The following PPIP5K1 variants were observed in gnomAD, a reference collection of about 807,000 sequenced individuals.
The protein encoded by PPIP5K1 is inositol hexakisphosphate and diphosphoinositol-pentakisphosphate kinase 1.
In PPIP5K1, 6 loss-of-function variants were observed where a neutral mutation model predicts 27.7. The ratio of observed to expected loss-of-function variants is 0.22; its 90% CI spans 0.12 to 0.43. The LOEUF is 0.43. PPIP5K1 is among the 20% of genes least tolerant of loss of function. The pLI is 1.00. For missense variants in PPIP5K1, 394 were observed against 635.4 expected, an observed-to-expected ratio of 0.62 and a Z score of 4.08; for synonymous variants, 145 against 242.6, an observed-to-expected ratio of 0.60 and a Z score of 3.74.
chr15:43,559,993 A>G (rs1218449042), intron 29 of PPIP5K1, among the ~76,000 whole-genome samples: 1 of 151,876 alleles, frequency 6.6e-6, no homozygotes, highest in African/African-American at 2.4e-5. Context: ...CAAGGATACA[A>G]TTGAGGCTTC....
intron 30 of PPIP5K1, among the ~76,000 whole-genome samples, chr15:43,550,404 C>G (rs1381071742): frequency 6.6e-6 from 1 of 152,142 alleles, no homozygotes; most frequent in East Asian, 1.9e-4. Context: ...CCTCAGCTTC[C>G]CAAAATGCTG....
At chr15:43,540,078 C>G (rs1297878408) in intron 30 of PPIP5K1, among the ~76,000 whole-genome samples, 1 of 151,878 alleles carries the variant, frequency 6.6e-6, no homozygotes, top group East Asian at 1.9e-4. Flanking sequence ...CACAGCAAAA[C>G]CCCATTTCTA....
intron 30 of PPIP5K1, among the ~76,000 whole-genome samples, chr15:43,554,815 T>C (rs2082719673): frequency 6.6e-6 from 1 of 152,032 alleles, no homozygotes. Flanking sequence ...TATAATTAAA[T>C]ATTGACATTG....
In PPIP5K1 at chr15:43,534,709, G is replaced by C; in HGVS notation, c.4438C>G (p.Leu1480Val). 1 of 1,528,792 alleles carries C rather than the reference G, an allele frequency of 6.5e-7. No homozygotes were observed. Among genetic ancestry groups the C allele is most frequent in the African/African-American group, 1.4e-5 (1 of 72,006 alleles). The allele number at this position is 1,528,792 out of a possible 1,614,324, so 94.7% of individuals were successfully genotyped here. ...PSQEFPEEID[L>V]QAQEVPEEIN Reference sequence around the variant, plus strand: ...TCCTCAGGGACCTCCTGGGCCTGCAGATCAATCTCCTCAGGGAACTCTTGG... The same window carrying C: ...TCCTCAGGGACCTCCTGGGCCTGCACATCAATCTCCTCAGGGAACTCTTGG... The change falls in exon 32 of 32, where the codon CTG (leucine) becomes GTG (valine). Residue 1480 changes from leucine (L) to valine (V), a missense_variant. By Grantham distance (32) the Leu-to-Val change is conservative. This residue lies in a region of PPIP5K1 where 379 missense variants were observed against 423.9 expected (regional missense o/e 0.89). Coordinates refer to ENST00000420765, the MANE Select transcript of PPIP5K1 (RefSeq NM_001394395.1).
chr15:43,552,376 C>G (rs987851153), intron 30 of PPIP5K1, among the ~76,000 whole-genome samples: 1 of 151,564 alleles, frequency 6.6e-6, no homozygotes, highest in Non-Finnish European at 1.5e-5. Context: ...ATCTAATTTC[C>G]CTTGTGAGTT....
chr15:43,547,554 T>G (rs1205988310), intron 30 of PPIP5K1, among the ~76,000 whole-genome samples: 1 of 152,216 alleles, frequency 6.6e-6, no homozygotes, highest in Non-Finnish European at 1.5e-5. Context: ...TAGGGGTGAA[T>G]GAGTTCTTTT....
chr15:43,558,063 T>A (rs979425217), intron 30 of PPIP5K1, among the ~76,000 whole-genome samples: 1 of 134,808 alleles, frequency 7.4e-6, no homozygotes, highest in African/African-American at 3.6e-5. Context: ...TATGCAATTA[T>A]CCTTTTTTTT....
intron 30 of PPIP5K1, among the ~76,000 whole-genome samples, chr15:43,555,503 C>T (rs186515405): frequency 2.6e-4 from 39 of 152,082 alleles, no homozygotes; most frequent in African/African-American, 8.9e-4. Flanking sequence ...CCAGGCTGAT[C>T]TTGAACTCTT....
At chr15:43,538,311 C>T (rs2080184461) in intron 31 of PPIP5K1, among the ~76,000 whole-genome samples, 1 of 152,236 alleles carries the variant, frequency 6.6e-6, no homozygotes, top group Admixed American at 6.5e-5. Context: ...CCTCCAATTA[C>T]CACCAGTAGC....
At chr15:43,565,539 T>G (rs1351093936) in intron 26 of PPIP5K1, among the ~76,000 whole-genome samples, 1 of 146,452 alleles carries the variant, frequency 6.8e-6, no homozygotes, top group Non-Finnish European at 1.5e-5. Context: ...AGAATGAAAG[T>G]ATGAGGCTCA....
intron 31 of PPIP5K1, chr15:43,536,062 C>A: frequency 7.9e-7 from 1 of 1,266,140 alleles, no homozygotes; most frequent in Non-Finnish European, 1.0e-6. Context: ...TTATTTATAG[C>A]CCAAATGATA....
intron 30 of PPIP5K1, among the ~76,000 whole-genome samples, chr15:43,549,831 T>TGTG (rs2081969829): frequency 6.6e-6 from 1 of 152,046 alleles, no homozygotes; most frequent in East Asian, 1.9e-4. Context: ...ATTAGCTGGA[T>TGTG]GTGGTGGTAT....
intron 30 of PPIP5K1, among the ~76,000 whole-genome samples, chr15:43,540,920 A>G (rs2080612826): frequency 6.6e-6 from 1 of 151,934 alleles, no homozygotes; most frequent in Admixed American, 6.6e-5. Context: ...TTTTTCCAAC[A>G]TAGCCAAACA....
chr15:43,553,541 CTA>C (rs1242811999), intron 30 of PPIP5K1, among the ~76,000 whole-genome samples: 1 of 151,756 alleles, frequency 6.6e-6, no homozygotes, highest in Non-Finnish European at 1.5e-5. Context: ...CAGGGTCTCA[CTA>C]TGTTACCCAG....
intron 31 of PPIP5K1, among the ~76,000 whole-genome samples, chr15:43,537,709 AGAGAG>A (rs1567003497): frequency 2.1e-4 from 24 of 112,234 alleles, no homozygotes; most frequent in African/African-American, 8.6e-4. Flanking sequence ...AAAAAAAAAG[AGAGAG>A]AGAGAGAGAG....
chr15:43,551,517 CAA>C (rs36075809), intron 30 of PPIP5K1, among the ~76,000 whole-genome samples: 2,662 of 115,462 alleles, frequency 0.023, 38 homozygotes, highest in Middle Eastern at 0.035. Flanking sequence ...GACTCTGTCT[CAA>C]AAAAAAAAAA....
intron 31 of PPIP5K1, 25 bp from the exon 32 acceptor site, chr15:43,535,501 A>C: frequency 1.3e-6 from 2 of 1,521,094 alleles, no homozygotes; most frequent in Non-Finnish European, 1.8e-6. Flanking sequence ...CAAGAGATCA[A>C]GTTAGAGAAG....
intron 29 of PPIP5K1, among the ~76,000 whole-genome samples, chr15:43,559,526 G>A (rs1386582297): frequency 6.6e-6 from 1 of 152,116 alleles, no homozygotes; most frequent in Admixed American, 6.5e-5. Context: ...AACAGGATGG[G>A]GATGGGAGTT....
intron 30 of PPIP5K1, among the ~76,000 whole-genome samples, chr15:43,543,286 G>A (rs1281854299): frequency 8.2e-6 from 1 of 121,842 alleles, no homozygotes; most frequent in Non-Finnish European, 1.6e-5. Flanking sequence ...GAGGGGGCAG[G>A]GATAGCATTA....
Sources: gnomAD v4.1 joint callset for allele counts (sites outside exome capture counted in the v4.1 genomes callset) on GRCh38, gnomAD v4.1.1 for gene constraint, gnomAD v4.1.1 regional missense constraint, MANE v1.5 for transcripts, NCBI Gene and HGNC (gene_info 2026-07-23, HGNC 2026-07-21) for gene names.